The following RFX3 variants were observed in gnomAD, a reference collection of about 807,000 sequenced individuals.
The protein encoded by RFX3 is transcription factor RFX3.
A neutral mutation model predicts 98.6 loss-of-function variants in RFX3; 14 were observed. The observed-to-expected ratio is 0.14, with a 90% CI of 0.09 to 0.22. The LOEUF (loss-of-function observed/expected upper bound fraction) is 0.22, where lower values mean the gene tolerates loss of function less well. RFX3 is among the 10% of genes least tolerant of loss of function. RFX3 has a pLI of 1.00. For synonymous variants in RFX3, 383 were observed against 328.4 expected (o/e 1.17, Z -1.80); for missense variants, 639 against 926.9 (o/e 0.69, Z 4.03).
chr9:3,469,150 T>C (rs1459716352), intron 1 of RFX3: 1 of 455,786 alleles, frequency 2.2e-6, no homozygotes, highest in Non-Finnish European at 4.4e-6. Flanking sequence ...TGTTCATTTA[T>C]TTAACAAAAA....
intron 7 of RFX3, among the ~76,000 whole-genome samples, chr9:3,284,947 A>T (rs1826386197): frequency 6.6e-6 from 1 of 151,778 alleles, no homozygotes; most frequent in African/African-American, 2.4e-5. Flanking sequence ...AGATAAATGG[A>T]GATTTCCTCT....
chr9:3,312,895 G>T (rs10971359), intron 4 of RFX3, among the ~76,000 whole-genome samples: 1 of 152,252 alleles, frequency 6.6e-6, no homozygotes, highest in Non-Finnish European at 1.5e-5. Context: ...GCCCACCGCA[G>T]ATCAAGGAGG....
At chr9:3,435,802 T>TC in intron 1 of RFX3, among the ~76,000 whole-genome samples, 1 of 97,622 alleles carries the variant, frequency 1.0e-5, no homozygotes, top group Admixed American at 1.1e-4. Context: ...ATCTGCATTG[T>TC]AAAAAAAAAA....
intron 9 of RFX3, among the ~76,000 whole-genome samples, chr9:3,271,527 TTCTTTCTCTCTTTCTCTTTCTC>T (rs1824447368): frequency 6.9e-6 from 1 of 144,932 alleles, no homozygotes; most frequent in South Asian, 2.2e-4. Flanking sequence ...CCTCCCTTCT[TTCTTTCTCTCTTTCTCTTTCTC>T]TCTTTCTCTC....
At chr9:3,384,067 A>G (rs1839460946) in intron 2 of RFX3, among the ~76,000 whole-genome samples, 1 of 152,138 alleles carries the variant, frequency 6.6e-6, no homozygotes, top group Non-Finnish European at 1.5e-5. Context: ...TCCAGGAGAA[A>G]AGATGATTCT....
chr9:3,517,932 G>T (rs902386930), intron 1 of RFX3, among the ~76,000 whole-genome samples: 6 of 152,112 alleles, frequency 3.9e-5, no homozygotes, highest in African/African-American at 1.4e-4. Context: ...ATAACAAAAT[G>T]GAGCTCAAAA....
At chr9:3,269,190 A>G (rs184913100) in intron 11 of RFX3, among the ~76,000 whole-genome samples, 502 of 152,040 alleles carry the variant, frequency 3.3e-3, no homozygotes, top group African/African-American at 0.011. Flanking sequence ...ACTTATTCCT[A>G]TATAAATTTA....
intron 2 of RFX3, among the ~76,000 whole-genome samples, chr9:3,380,272 G>T (rs940526226): frequency 1.3e-5 from 2 of 152,072 alleles, no homozygotes; most frequent in Non-Finnish European, 2.9e-5. Flanking sequence ...ACTAAGACTG[G>T]TGGTACCCTG....
At chr9:3,391,662 G>C (rs1002608189) in intron 2 of RFX3, among the ~76,000 whole-genome samples, 2 of 152,138 alleles carry the variant, frequency 1.3e-5, no homozygotes, top group African/African-American at 4.8e-5. Flanking sequence ...CAAGAATGAA[G>C]TGTTGGGGGT....
rs150082178 is a variant in RFX3 at position 3,434,372 on chromosome 9, G to A, written c.-8-38776C>T. On this transcript the variant is annotated intron_variant, in intron 1 of 16. Coordinates refer to ENST00000617270, the MANE Select transcript of RFX3 (RefSeq NM_001282116.2). ...GCTCATCCTTATGTTCACCTTATTC[G>A]CATGTAAGCTTACCAAATCTAGCAA... Among the ~76,000 whole-genome samples, 12 of 152,004 alleles carry A rather than the reference G, an allele frequency of 7.9e-5. No individual in the cohort carries two copies. The East Asian group carries it at 2.3e-3, about 29-fold the overall frequency.
At chr9:3,227,630 C>T (rs1018409207) in intron 16 of RFX3, among the ~76,000 whole-genome samples, 15 of 152,278 alleles carry the variant, frequency 9.9e-5, no homozygotes, top group African/African-American at 2.6e-4. Context: ...TCTGGACACC[C>T]TGGGATGAAA....
chr9:3,397,271 A>G (rs1381756214), intron 1 of RFX3, among the ~76,000 whole-genome samples: 1 of 152,252 alleles, frequency 6.6e-6, no homozygotes, highest in Admixed American at 6.5e-5. Flanking sequence ...TTGAGCAAAG[A>G]CCAGATTTCT....
chr9:3,434,931 A>C (rs994325234), intron 1 of RFX3, among the ~76,000 whole-genome samples: 1 of 152,098 alleles, frequency 6.6e-6, no homozygotes, highest in African/African-American at 2.4e-5. Context: ...CCTAGGCTAC[A>C]AACCTGTTCA....
intron 1 of RFX3, among the ~76,000 whole-genome samples, chr9:3,508,705 C>A (rs1817362594): frequency 6.6e-6 from 1 of 151,926 alleles, no homozygotes; most frequent in African/African-American, 2.4e-5. Flanking sequence ...AAGCAAATGA[C>A]AAGCGGTTTT....
At chr9:3,336,075 G>A (rs1833142147) in intron 3 of RFX3, among the ~76,000 whole-genome samples, 2 of 152,000 alleles carry the variant, frequency 1.3e-5, no homozygotes, top group African/African-American at 4.8e-5. Flanking sequence ...CAATAAGCTT[G>A]TCACTATAAA....
At chr9:3,515,621 G>A (rs1818077828) in intron 1 of RFX3, among the ~76,000 whole-genome samples, 1 of 152,144 alleles carries the variant, frequency 6.6e-6, no homozygotes, top group Non-Finnish European at 1.5e-5. Flanking sequence ...CCCTTCTACA[G>A]CAACCTCCCC....
intron 15 of RFX3, among the ~76,000 whole-genome samples, chr9:3,243,284 T>A (rs1350861226): frequency 1.3e-5 from 2 of 150,788 alleles, no homozygotes; most frequent in African/African-American, 4.9e-5. Context: ...TTAAAAATTA[T>A]ATAAATTTTA....
At chr9:3,525,461 C>T (rs988998827) in intron 1 of RFX3, among the ~76,000 whole-genome samples, 10 of 152,106 alleles carry the variant, frequency 6.6e-5, no homozygotes, top group Admixed American at 2.6e-4. Flanking sequence ...CGCAGCCCCC[C>T]AAGCTCCCGC....
intron 3 of RFX3, among the ~76,000 whole-genome samples, chr9:3,340,660 T>TC (rs1464726221): frequency 2.6e-5 from 4 of 152,276 alleles, no homozygotes; most frequent in African/African-American, 9.6e-5. Context: ...AAAATGCTCA[T>TC]CATCACTGGC....
Sources: gnomAD v4.1 joint callset for allele counts (sites outside exome capture counted in the v4.1 genomes callset) on GRCh38, gnomAD v4.1.1 for gene constraint, MANE v1.5 for transcripts, NCBI Gene and HGNC (gene_info 2026-07-23, HGNC 2026-07-21) for gene names.